NDST4: variants seen among roughly 807,000 people sequenced by gnomAD.
The protein encoded by NDST4 is N-deacetylase and N-sulfotransferase 4, also known as N-heparan sulfate sulfotransferase 4.
NDST4 carries 63 observed loss-of-function variants against 100.8 expected under a neutral mutation model. That is an observed-to-expected ratio of 0.62 (90% CI 0.51 to 0.77). The LOEUF (loss-of-function observed/expected upper bound fraction) is 0.77, where lower values mean the gene tolerates loss of function less well. Ranked by LOEUF, NDST4 falls within the 30% of genes least tolerant of loss-of-function variation. The probability of loss-of-function intolerance (pLI) is 0.00; values close to 1 mark genes in which losing one functional copy is unlikely to be tolerated. For missense variants in NDST4, 943 were observed against 1,018.4 expected, an observed-to-expected ratio of 0.93 and a Z score of 1.01; for synonymous variants, 377 against 361.8, an observed-to-expected ratio of 1.04 and a Z score of -0.48.
At chr4:115,008,575 A>G (rs1264677680) in intron 2 of NDST4, among the ~76,000 whole-genome samples, 3 of 129,338 alleles carry the variant, frequency 2.3e-5, no homozygotes. Flanking sequence ...CCCACAGCCA[A>G]TATCATACTG....
At chr4:114,906,792 T>C (rs1173416398) in intron 6 of NDST4, among the ~76,000 whole-genome samples, 1 of 152,040 alleles carries the variant, frequency 6.6e-6, no homozygotes, top group East Asian at 1.9e-4. Context: ...ATGCCTCCAA[T>C]CAACTTGGAC....
intron 2 of NDST4, among the ~76,000 whole-genome samples, chr4:115,001,488 C>T (rs775641859): frequency 8.6e-5 from 13 of 151,676 alleles, no homozygotes; most frequent in East Asian, 1.9e-4. Flanking sequence ...GCTTTTTATA[C>T]GAATATGTAA....
chr4:115,037,899 A>C (rs564979147), intron 2 of NDST4, among the ~76,000 whole-genome samples: 1 of 152,302 alleles, frequency 6.6e-6, no homozygotes, highest in East Asian at 1.9e-4. Flanking sequence ...GCAAGAGAAA[A>C]GGAAAGTGAT....
chr4:114,944,488 C>A (rs1453782255), intron 4 of NDST4, among the ~76,000 whole-genome samples: 1 of 152,182 alleles, frequency 6.6e-6, no homozygotes, highest in Non-Finnish European at 1.5e-5. Context: ...CTATACCCTA[C>A]TTATTCCTTT....
chr4:115,022,393 T>C (rs1250061379), intron 2 of NDST4, among the ~76,000 whole-genome samples: 4 of 150,512 alleles, frequency 2.7e-5, no homozygotes, highest in South Asian at 2.1e-4. Context: ...GTGTTCCATA[T>C]ATATGTGTTC....
chr4:114,842,438 A>T (rs547239796), intron 10 of NDST4, among the ~76,000 whole-genome samples: 42 of 151,942 alleles, frequency 2.8e-4, no homozygotes, highest in African/African-American at 9.7e-4. Flanking sequence ...AGGCCTGTTG[A>T]TAGAATACAG....
In NDST4 at chr4:114,841,046, C is replaced by G. The variant is rs181832256; in HGVS notation, c.2116-1498G>C. Among the ~76,000 whole-genome samples the G allele has an allele frequency of 8.5e-5, 13 of 152,210 alleles. No homozygotes were observed. In the East Asian group the frequency reaches 2.3e-3, roughly 27 times the overall value. On this transcript the variant is annotated intron_variant, in intron 10 of 13. Transcript: ENST00000264363. ...ATTTCAATGAAGAATAAGAAACACA[C>G]TACATACATATTTAATACAGTAATG... is the stretch of plus-strand genomic sequence containing the variant.
At chr4:114,934,584 A>T (rs1393970298) in intron 6 of NDST4, among the ~76,000 whole-genome samples, 3 of 151,398 alleles carry the variant, frequency 2.0e-5, no homozygotes, top group Non-Finnish European at 4.4e-5. Context: ...AAAATAAAAA[A>T]AATAAAAATA....
chr4:115,062,754 G>A (rs1158341459), intron 2 of NDST4, among the ~76,000 whole-genome samples: 1 of 151,598 alleles, frequency 6.6e-6, no homozygotes, highest in Non-Finnish European at 1.5e-5. Context: ...CACATAATCA[G>A]GAAAATATAA....
rs1187807589 is a variant in NDST4, at chr4:115,009,557, C to T, written c.979-32283G>A. 3.3e-5 allele frequency among the ~76,000 whole-genome samples: 4 copies of T among 121,646 alleles called. 1 individual carries two copies. The highest frequency in any genetic ancestry group is 8.4e-5 in the Admixed American group (1 of 11,892). 79.8% of individuals were successfully genotyped at this position (121,646 alleles called of 152,430 possible). ...ATTCAAGATGGATTAAAGACTTAAA[C>T]GTTAGACCTAAAACCATAAAAACCC... On this transcript the variant is annotated intron_variant, in intron 2 of 13. Coordinates refer to ENST00000264363, the MANE Select transcript of NDST4 (RefSeq NM_022569.3).
At chr4:115,089,394 A>G (rs1729470213) in intron 1 of NDST4, among the ~76,000 whole-genome samples, 1 of 114,686 alleles carries the variant, frequency 8.7e-6, no homozygotes, top group Non-Finnish European at 1.8e-5. Flanking sequence ...GATCTTTTAA[A>G]TGGGTGAGTT....
chr4:115,102,641 A>G (rs900810638), intron 1 of NDST4, among the ~76,000 whole-genome samples: 5 of 149,854 alleles, frequency 3.3e-5, no homozygotes, highest in African/African-American at 1.2e-4. Flanking sequence ...AGATGTAACA[A>G]AAGATTACTA....
intron 2 of NDST4, among the ~76,000 whole-genome samples, chr4:115,054,377 G>C (rs72898617): frequency 0.05 from 7,556 of 152,066 alleles, 463 homozygotes; most frequent in African/African-American, 0.14. Context: ...TATTTACTTA[G>C]AGCAGTATTT....
rs112096047 is a variant in NDST4, at chr4:115,035,401, T to C, written c.978+40658A>G. Among the ~76,000 whole-genome samples, 975 of 152,150 alleles carry C rather than the reference T, an allele frequency of 6.4e-3. 12 individuals are homozygous for C. Among genetic ancestry groups the C allele is most frequent in the African/African-American group, 0.022 (915 of 41,546 alleles). On this transcript the variant is annotated intron_variant, in intron 2 of 13. Coordinates refer to ENST00000264363, the MANE Select transcript of NDST4 (RefSeq NM_022569.3). ...TATATCTTATAGTTGAAGTAGTGGGTAAAGTCTATGTGATCATAGGATTGG... is the reference window on the plus strand; with the variant it reads ...TATATCTTATAGTTGAAGTAGTGGGCAAAGTCTATGTGATCATAGGATTGG...
intron 2 of NDST4, among the ~76,000 whole-genome samples, chr4:115,021,827 C>CATCT (rs1423854367): frequency 6.6e-6 from 1 of 151,428 alleles, no homozygotes; most frequent in Non-Finnish European, 1.5e-5. Flanking sequence ...ATACCTTCCA[C>CATCT]ATCTATACAC....
At position 114,827,888 on chromosome 4, in the gene NDST4, T is replaced by C; in HGVS notation, c.2547A>G (p.Leu849=). The part of the protein sequence containing the change: ...SNYYRDHNVE[L]SKLLHRLGQP... ...GTCCCAGTCTGTGTAGCAGTTTGGA[T>C]AGTTCCACATTATGATCTCGGTAGT... Residue 849 remains leucine, a synonymous_variant, in exon 14 of 14, where the codon CTA becomes CTG. Transcript: ENST00000264363. 6.2e-7 allele frequency: 1 copy of C among 1,612,108 alleles called. No homozygotes were observed. Among genetic ancestry groups the C allele is most frequent in the Non-Finnish European group, 8.5e-7 (1 of 1,179,112 alleles).
At chr4:114,958,409 T>C (rs188345892) in intron 4 of NDST4, among the ~76,000 whole-genome samples, 47 of 149,834 alleles carry the variant, frequency 3.1e-4, no homozygotes, top group Non-Finnish European at 4.9e-4. Flanking sequence ...CCCCAGTCTC[T>C]TTCTAAAACG....
chr4:114,983,394 G>C (rs150124235), intron 2 of NDST4, among the ~76,000 whole-genome samples: 1 of 152,194 alleles, frequency 6.6e-6, no homozygotes, highest in Non-Finnish European at 1.5e-5. Flanking sequence ...TTGAATCAGC[G>C]TGTCCTGGAT....
At chr4:114,860,335 A>G (rs1182218057) in intron 7 of NDST4, among the ~76,000 whole-genome samples, 1 of 152,172 alleles carries the variant, frequency 6.6e-6, no homozygotes, top group African/African-American at 2.4e-5. Context: ...AGGCTGAACT[A>G]TCTATTCTTC....
Sources: gnomAD v4.1 joint callset for allele counts (sites outside exome capture counted in the v4.1 genomes callset) on GRCh38, gnomAD v4.1.1 for gene constraint, MANE v1.5 for transcripts, NCBI Gene and HGNC (gene_info 2026-07-23, HGNC 2026-07-21) for gene names.